The following NGEF variants were observed in gnomAD, a reference collection of about 807,000 sequenced individuals.
NGEF encodes ephexin-1.
Under a neutral mutation model 80.9 loss-of-function variants are expected in NGEF, and 31 were observed. The ratio of observed to expected loss-of-function variants is 0.38; its 90% confidence interval spans 0.29 to 0.52. NGEF has a LOEUF of 0.52. NGEF is among the 20% of genes least tolerant of loss of function. The probability of loss-of-function intolerance (pLI) is 0.84; values close to 1 mark genes in which losing one functional copy is unlikely to be tolerated. For synonymous variants in NGEF, 371 were observed against 370.2 expected (o/e 1.00, Z -0.03); for missense variants, 709 against 926.2 (o/e 0.77, Z 3.04).
At chr2:232,998,054 G>A (rs1404018690) in intron 1 of NGEF, among the ~76,000 whole-genome samples, 1 of 152,208 alleles carries the variant, frequency 6.6e-6, no homozygotes, top group East Asian at 1.9e-4. Flanking sequence ...GAGAAGAGCA[G>A]CAGGGACCCA....
chr2:233,005,213 C>T (rs536353717), intron 1 of NGEF, among the ~76,000 whole-genome samples: 64 of 152,318 alleles, frequency 4.2e-4, no homozygotes, highest in African/African-American at 1.4e-3. Flanking sequence ...CCAGTCTGAG[C>T]AGCTATGGGG....
rs951857273 is a variant in NGEF at position 232,928,162 on chromosome 2, G to A, written c.384-976C>T. 3 of 983,116 alleles carry A rather than the reference G, an allele frequency of 3.1e-6. No homozygotes were observed. In the Admixed American group the frequency reaches 1.9e-4, roughly 62 times the overall value. The allele number at this position is 983,116 out of a possible 1,614,324, so 60.9% of individuals were successfully genotyped here. On this transcript the variant is annotated intron_variant, in intron 3 of 14. Transcript: ENST00000264051. ...ACCGCTGCCGAGCACTCCCGCGGGC[G>A]GGCGCGCGCCTGGAGGCTCCCGGGG...
At chr2:232,920,721 C>T in intron 4 of NGEF, 136 bp from the exon 5 acceptor site, 2 of 692,216 alleles carry the variant, frequency 2.9e-6, no homozygotes, top group Non-Finnish European at 4.3e-6. Context: ...GCCAGCCCTG[C>T]ACCCATCTCA....
Position 232,894,933 on chromosome 2 carries a change from C to G in NGEF, c.829-17G>C, listed in dbSNP as rs1359568334. On this transcript the variant is annotated splice_polypyrimidine_tract_variant and intron_variant, in intron 5 of 14. Transcript: ENST00000264051. ...GAACATGGCCTGTAGCAGGGAGACC[C>G]CATGGTTACCGCCTGAAGTTGGCCT... The G allele has an allele frequency of 6.4e-7, 1 of 1,555,700 alleles. No individual in the cohort carries two copies. Among genetic ancestry groups the G allele is most frequent in the Non-Finnish European group, 8.8e-7 (1 of 1,135,674 alleles).
chr2:232,981,940 C>A (rs1235231609), intron 1 of NGEF, among the ~76,000 whole-genome samples: 3 of 152,150 alleles, frequency 2.0e-5, no homozygotes, highest in Non-Finnish European at 4.4e-5. Flanking sequence ...ACAGGCCTGG[C>A]CTCCTTGGAG....
At chr2:232,899,846 A>T (rs1275074572) in intron 5 of NGEF, among the ~76,000 whole-genome samples, 2 of 131,970 alleles carry the variant, frequency 1.5e-5, no homozygotes, top group African/African-American at 6.2e-5. Context: ...ACATTCACTC[A>T]CACACACACG....
chr2:232,946,881 A>G (rs553377248), intron 3 of NGEF, among the ~76,000 whole-genome samples: 46 of 152,322 alleles, frequency 3.0e-4, no homozygotes, highest in Admixed American at 1.2e-3. Flanking sequence ...TAAAAATACA[A>G]TGACCATGAG....
intron 12 of NGEF, among the ~76,000 whole-genome samples, chr2:232,883,052 AACAC>A (rs57854484): frequency 0.2 from 30,095 of 150,226 alleles, 3,318 homozygotes; most frequent in East Asian, 0.33. Context: ...GCCCCAAGGG[AACAC>A]ACACACACAC....
At chr2:233,007,902 T>C (rs1001911821) in intron 1 of NGEF, among the ~76,000 whole-genome samples, 3 of 152,170 alleles carry the variant, frequency 2.0e-5, no homozygotes, top group African/African-American at 7.2e-5. Flanking sequence ...CCCTTTTCAA[T>C]CCAGAAACAA....
intron 4 of NGEF, among the ~76,000 whole-genome samples, chr2:232,922,868 G>A (rs1420516668): frequency 3.3e-5 from 5 of 152,142 alleles, no homozygotes; most frequent in African/African-American, 1.2e-4. Flanking sequence ...TCAGGAGTTC[G>A]AGACCAGCCT....
At chr2:232,912,678 A>C (rs1692713623) in intron 5 of NGEF, among the ~76,000 whole-genome samples, 1 of 152,188 alleles carries the variant, frequency 6.6e-6, no homozygotes, top group African/African-American at 2.4e-5. Flanking sequence ...GTAAGAGATT[A>C]ATTTCTTTAA....
intron 1 of NGEF, among the ~76,000 whole-genome samples, chr2:233,003,335 T>C (rs1695019548): frequency 6.6e-6 from 1 of 152,210 alleles, no homozygotes; most frequent in African/African-American, 2.4e-5. Context: ...GCTCTTTCCC[T>C]CTGATGTCGA....
intron 1 of NGEF, among the ~76,000 whole-genome samples, chr2:232,987,997 C>A (rs1439305742): frequency 6.9e-6 from 1 of 145,636 alleles, no homozygotes; most frequent in Non-Finnish European, 1.5e-5. Context: ...CCCCCAGGGC[C>A]AGAGGGAGAT....
chr2:232,914,315 C>T (rs1307932875), intron 5 of NGEF, among the ~76,000 whole-genome samples: 1 of 152,328 alleles, frequency 6.6e-6, no homozygotes, highest in East Asian at 1.9e-4. Flanking sequence ...TTGTTTAAAC[C>T]AGGTGGAATT....
intron 4 of NGEF, among the ~76,000 whole-genome samples, chr2:232,923,991 C>T (rs910327423): frequency 1.3e-5 from 2 of 152,114 alleles, no homozygotes; most frequent in African/African-American, 2.4e-5. Flanking sequence ...AATCCCAGCA[C>T]TTTGGGAGGC....
At chr2:232,969,741 T>C (rs111958950) in intron 3 of NGEF, among the ~76,000 whole-genome samples, 12,894 of 151,464 alleles carry the variant, frequency 0.085, 678 homozygotes, top group South Asian at 0.17. Context: ...CTCAAACTCC[T>C]GCCCTCAAGT....
chr2:232,883,223 G>T, intron 12 of NGEF, 88 bp downstream of exon 12: 2 of 1,457,186 alleles, frequency 1.4e-6, no homozygotes. Context: ...GTGGTGCCTT[G>T]TTCCACCTGG....
chr2:232,956,839 A>G (rs1394060129), intron 3 of NGEF, among the ~76,000 whole-genome samples: 1 of 151,592 alleles, frequency 6.6e-6, no homozygotes, highest in Non-Finnish European at 1.5e-5. Flanking sequence ...AGTTATAAAC[A>G]GTCAAGTAAA....
At chr2:232,918,638 T>TG (rs1559208177) in intron 5 of NGEF, among the ~76,000 whole-genome samples, 1 of 150,156 alleles carries the variant, frequency 6.7e-6, no homozygotes, top group Non-Finnish European at 1.5e-5. Flanking sequence ...GTTTTTTTTT[T>TG]TTTTTTTTTT....
Sources: allele counts gnomAD v4.1 joint callset (sites outside exome capture counted in the v4.1 genomes callset), GRCh38; gene constraint gnomAD v4.1.1; transcripts MANE v1.5; gene names NCBI Gene and HGNC (gene_info 2026-07-23, HGNC 2026-07-21).